The following STXBP4 variants were observed in gnomAD, a reference collection of about 807,000 sequenced individuals.
The protein encoded by STXBP4 is syntaxin-binding protein 4.
In STXBP4, 55 loss-of-function variants were observed where a neutral mutation model predicts 76.1. The observed-to-expected ratio is 0.72, with a 90% confidence interval of 0.58 to 0.91. STXBP4 has a LOEUF of 0.91. Ranked by LOEUF, STXBP4 falls within the 40% of genes least tolerant of loss-of-function variation. The pLI is 0.00. For synonymous variants in STXBP4, 201 were observed against 220.2 expected, an observed-to-expected ratio of 0.91 and a Z score of 0.77; for missense variants, 618 against 636.9, an observed-to-expected ratio of 0.97 and a Z score of 0.32.
intron 16 of STXBP4, among the ~76,000 whole-genome samples, chr17:55,086,382 A>G (rs1371587603): frequency 6.6e-6 from 1 of 152,156 alleles, no homozygotes; most frequent in Non-Finnish European, 1.5e-5. Flanking sequence ...AACATTGATC[A>G]TTTCCTTTGG....
rs1002387757 is a variant in STXBP4 at position 55,173,601 on chromosome 17, G to T, written c.*13690G>T. The stretch of plus-strand genomic sequence containing the variant: ...TCATTTGGGTTGTTTCTAGGCTTTG[G>T]TGATTATGAATAAAGCTGCTATCAA... On this transcript the variant is annotated 3_prime_UTR_variant, in exon 18 of 18. Transcript: ENST00000376352. 6.6e-6 allele frequency: 1 copy of T among 152,148 alleles called. No individual in the cohort carries two copies. Among genetic ancestry groups the T allele is most frequent in the African/African-American group, 2.4e-5 (1 of 41,426 alleles). The allele number at this position is 152,148 out of a possible 1,614,324, so 9.4% of individuals were successfully genotyped here. A position where few individuals can be genotyped will look rare whatever the true frequency, so the allele number is the denominator to read the frequency against.
intron 8 of STXBP4, among the ~76,000 whole-genome samples, chr17:55,020,983 T>C (rs1424367620): frequency 6.6e-6 from 1 of 152,214 alleles, no homozygotes; most frequent in Non-Finnish European, 1.5e-5. Context: ...GTTGTGATTT[T>C]TCCGGCTATA....
At chr17:55,109,839 A>G (rs1009164656) in intron 16 of STXBP4, among the ~76,000 whole-genome samples, 8 of 152,016 alleles carry the variant, frequency 5.3e-5, no homozygotes, top group East Asian at 1.9e-4. Context: ...AGGTTTCACC[A>G]TGTTGGCCAG....
At chr17:55,135,616 A>C (rs1354759918) in intron 16 of STXBP4, among the ~76,000 whole-genome samples, 1 of 152,056 alleles carries the variant, frequency 6.6e-6, no homozygotes, top group African/African-American at 2.4e-5. Flanking sequence ...TTCCTTTTTC[A>C]TAGGAAAATT....
Position 55,111,895 on chromosome 17 carries a change from G to GGTTTGTTT in STXBP4, c.1490-29386_1490-29379dup, listed in dbSNP as rs75921976. Among the ~76,000 whole-genome samples, 176 of 149,818 alleles carry GGTTTGTTT rather than the reference G, an allele frequency of 1.2e-3. 1 individual carries two copies. The highest frequency in any genetic ancestry group is 0.01 in the East Asian group (51 of 5,074). ...AGACTCACGCTTTCATTTTATTCAG[G>GGTTTGTTT]GTTTGTTTGTTTGTTTGTTTGTTTG... On this transcript the variant is annotated intron_variant, in intron 16 of 17. Coordinates refer to ENST00000376352, the MANE Select transcript of STXBP4 (RefSeq NM_178509.6).
chr17:55,064,962 A>G (rs2079033081), intron 12 of STXBP4, among the ~76,000 whole-genome samples: 1 of 152,174 alleles, frequency 6.6e-6, no homozygotes, highest in Non-Finnish European at 1.5e-5. Context: ...TTTGTTAGAT[A>G]TATGGTATGA....
At chr17:55,130,945 G>C (rs907682316) in intron 16 of STXBP4, among the ~76,000 whole-genome samples, 2 of 152,180 alleles carry the variant, frequency 1.3e-5, no homozygotes, top group African/African-American at 2.4e-5. Flanking sequence ...ATGTTTCCAT[G>C]TCTTGGCTAT....
rs76074000 is a variant in STXBP4 at position 55,048,208 on chromosome 17, C to T, written c.1011+1054C>T. ...AATGGATAGAATTCCTTGGAGACTT[C>T]GCAATGATAGGAAAGAAGGAAATAA... On this transcript the variant is annotated intron_variant, in intron 12 of 17. Coordinates refer to ENST00000376352, the MANE Select transcript of STXBP4 (RefSeq NM_178509.6). Among the ~76,000 whole-genome samples, 146 of 151,680 alleles carry T rather than the reference C, an allele frequency of 9.6e-4. 1 individual carries two copies. In the East Asian group the frequency reaches 0.013, roughly 14 times the overall value.
chr17:55,144,299 G>C (rs563165173), intron 17 of STXBP4, among the ~76,000 whole-genome samples: 2 of 152,164 alleles, frequency 1.3e-5, no homozygotes, highest in South Asian at 4.2e-4. Flanking sequence ...GGGGTGTTTG[G>C]CATAAGTTAG....
intron 10 of STXBP4, among the ~76,000 whole-genome samples, chr17:55,041,184 C>T (rs1369390394): frequency 6.7e-6 from 1 of 148,820 alleles, no homozygotes; most frequent in East Asian, 2.0e-4. Flanking sequence ...CCTAGTTTCT[C>T]TTAATAAATT....
chr17:55,100,979 C>G (rs1442498525), intron 16 of STXBP4, among the ~76,000 whole-genome samples: 1 of 152,104 alleles, frequency 6.6e-6, no homozygotes, highest in Non-Finnish European at 1.5e-5. Flanking sequence ...CAGATGAGAC[C>G]ACAGCCATGC....
intron 16 of STXBP4, among the ~76,000 whole-genome samples, chr17:55,131,048 C>T (rs2079968464): frequency 6.6e-6 from 1 of 152,194 alleles, no homozygotes; most frequent in Admixed American, 6.5e-5. Flanking sequence ...AGTGGGATTA[C>T]TGGATCATAT....
chr17:55,088,854 G>A (rs2079373771), intron 16 of STXBP4, among the ~76,000 whole-genome samples: 1 of 152,178 alleles, frequency 6.6e-6, no homozygotes, highest in Admixed American at 6.5e-5. Context: ...GAACATGAAT[G>A]CTTTCCACAT....
intron 16 of STXBP4, among the ~76,000 whole-genome samples, chr17:55,112,426 A>G (rs1028649487): frequency 6.6e-6 from 1 of 152,232 alleles, no homozygotes; most frequent in Admixed American, 6.5e-5. Flanking sequence ...TTCAATAAGT[A>G]TTTAACAACT....
intron 17 of STXBP4, among the ~76,000 whole-genome samples, chr17:55,148,132 T>C (rs1269284551): frequency 6.6e-6 from 1 of 152,222 alleles, no homozygotes; most frequent in Admixed American, 6.5e-5. Flanking sequence ...ATACGCATGG[T>C]TTCTCTCATT....
intron 8 of STXBP4, among the ~76,000 whole-genome samples, chr17:55,015,021 C>T (rs976316378): frequency 6.6e-6 from 1 of 152,010 alleles, no homozygotes; most frequent in Non-Finnish European, 1.5e-5. Context: ...TTGCTCTGGG[C>T]GTAAGGCAGA....
At chr17:55,072,833 A>AT (rs2079137635) in intron 12 of STXBP4, 67 bp from the exon 13 acceptor site, 1 of 1,373,466 alleles carries the variant, frequency 7.3e-7, no homozygotes, top group Admixed American at 2.5e-5. Context: ...CAAGGAAAAT[A>AT]TTTTGTATAA....
intron 16 of STXBP4, among the ~76,000 whole-genome samples, chr17:55,092,043 G>A (rs528652525): frequency 4.6e-5 from 7 of 152,198 alleles, no homozygotes; most frequent in East Asian, 3.9e-4. Flanking sequence ...TTATTCTAAC[G>A]GAAGTAACTC....
intron 16 of STXBP4, among the ~76,000 whole-genome samples, chr17:55,126,694 A>G (rs244334): frequency 0.64 from 97,060 of 152,096 alleles, 31,843 homozygotes; most frequent in African/African-American, 0.79. Flanking sequence ...GCTAACAGCT[A>G]GACAAGGAGA....
Sources: allele counts gnomAD v4.1 joint callset (sites outside exome capture counted in the v4.1 genomes callset), GRCh38; gene constraint gnomAD v4.1.1; transcripts MANE v1.5; gene names NCBI Gene and HGNC (gene_info 2026-07-23, HGNC 2026-07-21).